The following DCP1B variants were observed in gnomAD, a reference collection of about 807,000 sequenced individuals.
The protein encoded by DCP1B is mRNA-decapping enzyme 1B.
Under a neutral mutation model 60.5 loss-of-function variants are expected in DCP1B, and 47 were observed. The ratio of observed to expected loss-of-function variants is 0.78; its 90% CI spans 0.61 to 0.99. The LOEUF (loss-of-function observed/expected upper bound fraction) is 0.99. DCP1B is among the 50% of genes least tolerant of loss of function. DCP1B has a pLI of 0.00. For missense variants in DCP1B, 725 were observed against 756.8 expected (o/e 0.96, Z 0.49); for synonymous variants, 267 against 280.3 (o/e 0.95, Z 0.47).
At chr12:1,967,729 G>T in intron 4 of DCP1B, 115 bp downstream of exon 4, 1 of 848,970 alleles carries the variant, frequency 1.2e-6, no homozygotes, top group Non-Finnish European at 1.8e-6. Context: ...CCTAACCAGT[G>T]AAAAGGACTG....
At chr12:1,952,355 TAGGGACAGGATC>T in intron 7 of DCP1B, 49 bp downstream of exon 7, 1 of 1,467,528 alleles carries the variant, frequency 6.8e-7, no homozygotes, top group Non-Finnish European at 9.0e-7. Flanking sequence ...TTTTTTTTTT[TAGGGACAGGATC>T]TTGCTATGCT....
At chr12:1,979,542 C>T (rs1388892134) in intron 3 of DCP1B, among the ~76,000 whole-genome samples, 2 of 152,196 alleles carry the variant, frequency 1.3e-5, no homozygotes, top group African/African-American at 4.8e-5. Context: ...GAACTCCTGA[C>T]CTCAAGTGAT....
chr12:1,944,337 T>G (rs1483537724), downstream of DCP1B, among the ~76,000 whole-genome samples: 1 of 152,224 alleles, frequency 6.6e-6, no homozygotes, highest in Non-Finnish European at 1.5e-5. Flanking sequence ...AGAATCAGTA[T>G]GATCAAAATG....
intron 3 of DCP1B, chr12:1,991,472 T>A (rs1673372751): frequency 4.2e-6 from 1 of 240,446 alleles, no homozygotes; most frequent in African/African-American, 2.3e-5. Context: ...TAATAATATA[T>A]TTTATTTTGC....
At chr12:1,947,243 C>T (rs2030465362) in intron 8 of DCP1B, among the ~76,000 whole-genome samples, 1 of 152,190 alleles carries the variant, frequency 6.6e-6, no homozygotes, top group Admixed American at 6.5e-5. Flanking sequence ...AGAGACTTCT[C>T]CCTCCCACCC....
At chr12:1,982,551 A>G (rs1264544147) in intron 3 of DCP1B, among the ~76,000 whole-genome samples, 2 of 150,352 alleles carry the variant, frequency 1.3e-5, no homozygotes, top group African/African-American at 4.9e-5. Flanking sequence ...ATATAATTTT[A>G]TTCTCTTTTG....
At chr12:1,957,341 A>G (rs1309152284) in intron 5 of DCP1B, among the ~76,000 whole-genome samples, 2 of 152,256 alleles carry the variant, frequency 1.3e-5, no homozygotes, top group East Asian at 3.8e-4. Context: ...ATCACACACA[A>G]ACACATACAT....
At chr12:1,951,024 C>A (rs1355612039) in intron 7 of DCP1B, among the ~76,000 whole-genome samples, 11 of 152,168 alleles carry the variant, frequency 7.2e-5, no homozygotes, top group Non-Finnish European at 5.9e-5. Flanking sequence ...GTAATCCCAG[C>A]ACTCTGAGAG....
intron 2 of DCP1B, among the ~76,000 whole-genome samples, chr12:1,996,331 C>T (rs892457918): frequency 7.9e-5 from 12 of 152,166 alleles, no homozygotes; most frequent in Admixed American, 6.5e-4. Flanking sequence ...AATCTCTTTA[C>T]ACTTGCTAAC....
intron 1 of DCP1B, among the ~76,000 whole-genome samples, chr12:1,998,634 G>A (rs1248081564): frequency 6.6e-6 from 1 of 152,134 alleles, no homozygotes; most frequent in Non-Finnish European, 1.5e-5. Flanking sequence ...TGGGAGAGGT[G>A]GTAAAGTTAA....
chr12:1,944,907 T>G (rs1451980672), downstream of DCP1B, among the ~76,000 whole-genome samples: 1 of 152,122 alleles, frequency 6.6e-6, no homozygotes, highest in African/African-American at 2.4e-5. Flanking sequence ...CCAAAAGCAA[T>G]GGCAACAAAA....
At position 1,998,143 on chromosome 12, in the gene DCP1B, T is replaced by C. The variant is rs112604089; in HGVS notation, c.151-168A>G. ...GGAGAAAGCAAGTTCTATGTCATCA[T>C]TGTGCCTCTGCAGATTAGGCAGCAG... On this transcript the variant is annotated intron_variant, in intron 1 of 8. Coordinates refer to ENST00000280665, the MANE Select transcript of DCP1B (RefSeq NM_152640.5). Among the ~76,000 whole-genome samples the C allele has an allele frequency of 3.9e-5, 6 of 152,382 alleles. 1 individual carries two copies. Among genetic ancestry groups the C allele is most frequent in the African/African-American group, 1.4e-4 (6 of 41,594 alleles).
At chr12:1,993,663 G>C (rs1157671739) in intron 2 of DCP1B, among the ~76,000 whole-genome samples, 4 of 88,360 alleles carry the variant, frequency 4.5e-5, no homozygotes, top group Non-Finnish European at 9.3e-5. Context: ...TGTGTATACA[G>C]ATGTTGTTTA....
intron 3 of DCP1B, among the ~76,000 whole-genome samples, chr12:1,985,251 C>A (rs1426607145): frequency 6.6e-6 from 1 of 152,072 alleles, no homozygotes; most frequent in East Asian, 1.9e-4. Flanking sequence ...ACAAATTAGA[C>A]CTTCTGATAT....
intron 5 of DCP1B, 101 bp downstream of exon 5, chr12:1,965,457 G>A: frequency 1.5e-6 from 2 of 1,299,204 alleles, no homozygotes; most frequent in South Asian, 2.6e-5. Flanking sequence ...ATTTTGTTTG[G>A]TGGAAGGAAC....
intron 7 of DCP1B, chr12:1,950,094 G>A: frequency 1.9e-6 from 1 of 512,974 alleles, no homozygotes. Flanking sequence ...GAAAAAGAAT[G>A]TTATTTATCA....
chr12:1,994,951 G>C lies in DCP1B; in HGVS notation c.192-1560C>G, dbSNP rs575915492. Reference sequence around the variant, plus strand: ...GAGTTTTACATGCTTTTTGTAATTCGCTACTGAAGAAAGCCTTCAACATTC... The same window carrying C: ...GAGTTTTACATGCTTTTTGTAATTCCCTACTGAAGAAAGCCTTCAACATTC... On this transcript the variant is annotated intron_variant, in intron 2 of 8. Transcript: ENST00000280665. Among the ~76,000 whole-genome samples, 9 of 131,642 alleles carry C rather than the reference G, an allele frequency of 6.8e-5. 1 individual carries two copies. Among genetic ancestry groups the C allele is most frequent in the Non-Finnish European group, 1.2e-4 (8 of 65,610 alleles). The allele number at this position is 131,642 out of a possible 152,430, so 86.4% of individuals were successfully genotyped here. A position where few individuals can be genotyped will look rare whatever the true frequency, so the allele number is the denominator to read the frequency against.
downstream of DCP1B, among the ~76,000 whole-genome samples, chr12:1,942,353 C>T (rs755924870): frequency 7.9e-5 from 12 of 152,180 alleles, no homozygotes; most frequent in African/African-American, 1.9e-4. Context: ...GAGACTTTAA[C>T]GCCCCTCTGT....
At chr12:1,966,301 T>A (rs1380976683) in intron 4 of DCP1B, among the ~76,000 whole-genome samples, 2 of 152,168 alleles carry the variant, frequency 1.3e-5, no homozygotes, top group Non-Finnish European at 2.9e-5. Context: ...CCATTCTAAC[T>A]CGGAGAAGAG....
Sources: allele counts gnomAD v4.1 joint callset (sites outside exome capture counted in the v4.1 genomes callset), GRCh38; gene constraint gnomAD v4.1.1; transcripts MANE v1.5; gene names NCBI Gene and HGNC (gene_info 2026-07-23, HGNC 2026-07-21).